STXBP5L: variants seen among roughly 807,000 people sequenced by gnomAD.
The protein encoded by STXBP5L is syntaxin-binding protein 5-like.
A neutral mutation model predicts 144.5 loss-of-function variants in STXBP5L; 65 were observed. The ratio of observed to expected loss-of-function variants is 0.45; its 90% confidence interval spans 0.37 to 0.55. The LOEUF is 0.55. Among genes scored for constraint, STXBP5L ranks in the 20% least tolerant of loss-of-function variants. STXBP5L has a pLI of 0.00. For missense variants in STXBP5L, 1,298 were observed against 1,405.5 expected, an observed-to-expected ratio of 0.92 and a Z score of 1.22; for synonymous variants, 505 against 469.6, an observed-to-expected ratio of 1.08 and a Z score of -0.97.
At chr3:121,093,724 C>T (rs1229503599) in intron 5 of STXBP5L, among the ~76,000 whole-genome samples, 2 of 152,120 alleles carry the variant, frequency 1.3e-5, no homozygotes, top group African/African-American at 2.4e-5. Context: ...AAAAAACCAG[C>T]TCCTGGATTC....
chr3:121,142,162 T>C (rs2045534997), intron 7 of STXBP5L, among the ~76,000 whole-genome samples: 1 of 151,786 alleles, frequency 6.6e-6, no homozygotes, highest in Non-Finnish European at 1.5e-5. Flanking sequence ...AAAATTATCA[T>C]GAGACAAAGA....
At chr3:121,187,712 G>C (rs1187607282) in intron 9 of STXBP5L, among the ~76,000 whole-genome samples, 1 of 151,956 alleles carries the variant, frequency 6.6e-6, no homozygotes, top group African/African-American at 2.4e-5. Context: ...AAATGTAAAT[G>C]GGCTAAATGT....
chr3:121,269,296 A>G (rs1367852723), intron 18 of STXBP5L, among the ~76,000 whole-genome samples: 2 of 152,134 alleles, frequency 1.3e-5, no homozygotes, highest in African/African-American at 4.8e-5. Flanking sequence ...TCCATTCACT[A>G]TTAATTGTTT....
At position 120,945,119 on chromosome 3, in the gene STXBP5L, A is replaced by ACTT. The variant is rs1179283210; in HGVS notation, c.190-9820_190-9818dup. ...TTATCTCAAATTATATCAATTCATG[A>ACTT]CTTACTGCATAAATTTTGAGACAGT... On this transcript the variant is annotated intron_variant, in intron 2 of 26. Transcript: ENST00000471454. Among the ~76,000 whole-genome samples, 3 of 151,860 alleles carry ACTT rather than the reference A, an allele frequency of 2.0e-5. No homozygotes were observed. The East Asian group carries it at 5.8e-4, about 29-fold the overall frequency.
At chr3:121,364,961 A>G (rs2045822044) in intron 20 of STXBP5L, among the ~76,000 whole-genome samples, 1 of 151,792 alleles carries the variant, frequency 6.6e-6, no homozygotes, top group African/African-American at 2.4e-5. Flanking sequence ...TTTCTGCTCA[A>G]TTGAGATGAT....
At chr3:121,310,874 A>T in intron 19 of STXBP5L, among the ~76,000 whole-genome samples, 1 of 152,146 alleles carries the variant, frequency 6.6e-6, no homozygotes, top group African/African-American at 2.4e-5. Context: ...GCACCACTGC[A>T]CTCCAGCCTG....
chr3:121,357,820 A>T (rs182907177), intron 20 of STXBP5L: 4 of 152,332 alleles, frequency 2.6e-5, no homozygotes, highest in Non-Finnish European at 1.5e-5. Context: ...AATGTCAGCC[A>T]TGGAACACTT....
chr3:121,330,551 T>A (rs942056115), intron 20 of STXBP5L, among the ~76,000 whole-genome samples: 1 of 152,146 alleles, frequency 6.6e-6, no homozygotes, highest in Non-Finnish European at 1.5e-5. Context: ...CTTGAGACAG[T>A]AGGGTACCTT....
chr3:121,217,114 A>G (rs553021181), intron 10 of STXBP5L, among the ~76,000 whole-genome samples: 23 of 152,260 alleles, frequency 1.5e-4, no homozygotes, highest in African/African-American at 4.8e-4. Context: ...TTAGCTTGCT[A>G]TGCTCTGTGG....
chr3:120,932,941 G>A (rs575376088), intron 2 of STXBP5L, among the ~76,000 whole-genome samples: 9 of 150,348 alleles, frequency 6.0e-5, no homozygotes, highest in East Asian at 2.0e-4. Context: ...GTAAACTATC[G>A]CAAGGACAAA....
intron 3 of STXBP5L, among the ~76,000 whole-genome samples, chr3:121,016,080 G>A (rs986904766): frequency 1.3e-5 from 2 of 152,134 alleles, no homozygotes; most frequent in Admixed American, 6.6e-5. Context: ...GAAGTCTCTG[G>A]CATATATGGC....
intron 14 of STXBP5L, among the ~76,000 whole-genome samples, chr3:121,247,222 T>C (rs1043792338): frequency 6.6e-6 from 1 of 152,244 alleles, no homozygotes; most frequent in African/African-American, 2.4e-5. Context: ...TGTCTGTTTT[T>C]CACCACTAGC....
chr3:120,926,511 A>G (rs1472840165), intron 2 of STXBP5L, among the ~76,000 whole-genome samples: 1 of 152,010 alleles, frequency 6.6e-6, no homozygotes, highest in Non-Finnish European at 1.5e-5. Context: ...GAGTTTGATT[A>G]TGCCTTGGGG....
intron 20 of STXBP5L, among the ~76,000 whole-genome samples, chr3:121,372,214 C>A (rs534349015): frequency 9.2e-5 from 14 of 152,258 alleles, no homozygotes; most frequent in South Asian, 2.1e-4. Flanking sequence ...CAGGCTTAGC[C>A]AGGCTGGGGG....
chr3:120,992,946 C>G (rs974899922), intron 3 of STXBP5L, among the ~76,000 whole-genome samples: 1 of 152,126 alleles, frequency 6.6e-6, no homozygotes, highest in Admixed American at 6.6e-5. Context: ...CTTTTCTCCA[C>G]ATCCTTGCCA....
At chr3:121,060,190 G>C (rs1179314998) in intron 5 of STXBP5L, among the ~76,000 whole-genome samples, 1 of 152,122 alleles carries the variant, frequency 6.6e-6, no homozygotes, top group Admixed American at 6.5e-5. Context: ...AAATGGTGTT[G>C]AATTTTGTCA....
rs1181325253 is a variant in STXBP5L at position 121,045,548 on chromosome 3, G to T, written c.470+13G>T. ...TTAACCGGGAACGGTAAGAACCTAT[G>T]AATTAAACAATTTCTTAATGTACAA... On this transcript the variant is annotated intron_variant, in intron 5 of 26. Transcript: ENST00000471454. The T allele has an allele frequency of 1.9e-6, 3 of 1,594,006 alleles. No individual in the cohort carries two copies. The African/African-American group carries it at 4.1e-5, about 22-fold the overall frequency.
rs145748109 is a variant in STXBP5L, at chr3:120,991,885, A to C, written c.287+36848A>C. 5.0e-3 allele frequency among the ~76,000 whole-genome samples: 765 copies of C among 152,292 alleles called. 8 individuals are homozygous for C. Among genetic ancestry groups the C allele is most frequent in the African/African-American group, 0.017 (720 of 41,560 alleles). Reference sequence around the variant, plus strand: ...TAAATGACGAGTTAATGGGTGCAGCATACCAACATGGCACATGTATACATA... The same window carrying C: ...TAAATGACGAGTTAATGGGTGCAGCCTACCAACATGGCACATGTATACATA... On this transcript the variant is annotated intron_variant, in intron 3 of 26. Coordinates refer to ENST00000471454, the MANE Select transcript of STXBP5L (RefSeq NM_001308330.2).
intron 11 of STXBP5L, among the ~76,000 whole-genome samples, chr3:121,232,631 G>C (rs1304790484): frequency 6.6e-6 from 1 of 152,116 alleles, no homozygotes; most frequent in African/African-American, 2.4e-5. Context: ...AGAGAAGTCC[G>C]ATTTGGGTCA....
Sources: allele counts gnomAD v4.1 joint callset (sites outside exome capture counted in the v4.1 genomes callset), GRCh38; gene constraint gnomAD v4.1.1; transcripts MANE v1.5; gene names NCBI Gene and HGNC (gene_info 2026-07-23, HGNC 2026-07-21).